Variants in SH3GL3 observed in about 807,000 individuals in gnomAD.
SH3GL3 encodes endophilin-A3.
SH3GL3 carries 33 observed loss-of-function variants against 47.7 expected under a neutral mutation model. That is an observed-to-expected ratio of 0.69 (90% CI 0.52 to 0.92). The LOEUF is 0.92. Ranked by LOEUF, SH3GL3 falls within the 40% of genes least tolerant of loss-of-function variation. The pLI is 0.00. For synonymous variants in SH3GL3, 155 were observed against 148.8 expected, an observed-to-expected ratio of 1.04 and a Z score of -0.30; for missense variants, 363 against 417.8, an observed-to-expected ratio of 0.87 and a Z score of 1.14.
At chr15:83,577,796 T>C (rs1223418822) in intron 6 of SH3GL3, among the ~76,000 whole-genome samples, 1 of 152,166 alleles carries the variant, frequency 6.6e-6, no homozygotes, top group Admixed American at 6.5e-5. Flanking sequence ...TGTGAGGCCA[T>C]AGGATTTATG....
intron 6 of SH3GL3, among the ~76,000 whole-genome samples, chr15:83,579,675 A>AG: frequency 6.6e-6 from 1 of 152,280 alleles, no homozygotes; most frequent in Non-Finnish European, 1.5e-5. Flanking sequence ...AAAGAGGCTA[A>AG]GGGGGTGCTG....
intron 1 of SH3GL3, among the ~76,000 whole-genome samples, chr15:83,495,601 G>A (rs184100419): frequency 3.9e-4 from 60 of 152,234 alleles, no homozygotes; most frequent in African/African-American, 1.4e-3. Flanking sequence ...GCTGGGCGTG[G>A]TGATGCACAC....
At chr15:83,533,698 C>T (rs1321941767) in intron 1 of SH3GL3, among the ~76,000 whole-genome samples, 1 of 152,144 alleles carries the variant, frequency 6.6e-6, no homozygotes, top group Non-Finnish European at 1.5e-5. Flanking sequence ...TCTCTTACCC[C>T]AGAGTTTCTT....
At chr15:83,509,069 A>C (rs2042637200) in intron 1 of SH3GL3, among the ~76,000 whole-genome samples, 1 of 152,252 alleles carries the variant, frequency 6.6e-6, no homozygotes, top group South Asian at 2.1e-4. Context: ...CGGGCATTTT[A>C]GCGTGCATTA....
At chr15:83,449,923 G>A (rs2039655010) in intron 1 of SH3GL3, among the ~76,000 whole-genome samples, 1 of 152,062 alleles carries the variant, frequency 6.6e-6, no homozygotes, top group African/African-American at 2.4e-5. Flanking sequence ...TATAATATGA[G>A]GGAGCTCAAT....
intron 8 of SH3GL3, among the ~76,000 whole-genome samples, chr15:83,609,923 C>T (rs967843470): frequency 3.3e-5 from 5 of 152,200 alleles, no homozygotes; most frequent in Admixed American, 2.0e-4. Flanking sequence ...GCCATCTCTA[C>T]TCTGGTGTCT....
intron 1 of SH3GL3, among the ~76,000 whole-genome samples, chr15:83,467,566 A>G (rs1567242956): frequency 6.6e-6 from 1 of 152,216 alleles, no homozygotes. Context: ...ATATAAAAAA[A>G]TCTTGCTGGA....
chr15:83,534,263 C>T (rs951184632), intron 1 of SH3GL3, among the ~76,000 whole-genome samples: 2 of 152,134 alleles, frequency 1.3e-5, no homozygotes, highest in Non-Finnish European at 2.9e-5. Context: ...TTACTGGCCT[C>T]CAAAACTGTG....
intron 1 of SH3GL3, among the ~76,000 whole-genome samples, chr15:83,479,438 A>G (rs900013533): frequency 6.6e-6 from 1 of 152,068 alleles, no homozygotes; most frequent in African/African-American, 2.4e-5. Flanking sequence ...AAGCCAATCA[A>G]GGTGCACTAT....
intron 8 of SH3GL3, among the ~76,000 whole-genome samples, chr15:83,611,202 T>C (rs2060655442): frequency 6.6e-6 from 1 of 151,842 alleles, no homozygotes; most frequent in South Asian, 2.1e-4. Context: ...GTGTTACTGA[T>C]ACAGTACTTA....
chr15:83,493,515 C>T (rs1271523391), intron 1 of SH3GL3, among the ~76,000 whole-genome samples: 1 of 152,168 alleles, frequency 6.6e-6, no homozygotes, highest in Non-Finnish European at 1.5e-5. Flanking sequence ...GCAAGTGAGT[C>T]CTTAGTGTCT....
At chr15:83,520,138 A>G (rs536678196) in intron 1 of SH3GL3, among the ~76,000 whole-genome samples, 1 of 152,318 alleles carries the variant, frequency 6.6e-6, no homozygotes, top group East Asian at 1.9e-4. Flanking sequence ...GAACTGTGTT[A>G]GAGGTGAGGA....
chr15:83,499,458 A>G (rs146280720), intron 1 of SH3GL3, among the ~76,000 whole-genome samples: 1,805 of 152,154 alleles, frequency 0.012, 35 homozygotes, highest in African/African-American at 0.041. Context: ...AATTTAACCA[A>G]TTAAATCCCT....
At chr15:83,532,365 A>T (rs1429548803) in intron 1 of SH3GL3, among the ~76,000 whole-genome samples, 1 of 152,198 alleles carries the variant, frequency 6.6e-6, no homozygotes, top group African/African-American at 2.4e-5. Flanking sequence ...GGCAAACATG[A>T]TAGAAGGCCA....
At chr15:83,603,710 A>C (rs2151833340) in intron 8 of SH3GL3, among the ~76,000 whole-genome samples, 1 of 152,296 alleles carries the variant, frequency 6.6e-6, no homozygotes, top group South Asian at 2.1e-4. Flanking sequence ...TGCTACACAC[A>C]CCAAGGTTTA....
At chr15:83,615,118 ACTC>A (rs2060780721) in intron 8 of SH3GL3, among the ~76,000 whole-genome samples, 1 of 151,060 alleles carries the variant, frequency 6.6e-6, no homozygotes, top group Admixed American at 6.6e-5. Flanking sequence ...AAAAAAAAAA[ACTC>A]CTAAGATTAA....
intron 1 of SH3GL3, among the ~76,000 whole-genome samples, chr15:83,505,015 A>G (rs1209510076): frequency 2.6e-5 from 4 of 152,126 alleles, no homozygotes; most frequent in Non-Finnish European, 5.9e-5. Flanking sequence ...ATTGGGTCTT[A>G]TCTCGATATT....
At chr15:83,565,383 A>G (rs2151754615) in intron 3 of SH3GL3, 177 bp downstream of exon 3, 1 of 585,694 alleles carries the variant, frequency 1.7e-6, no homozygotes, top group Middle Eastern at 3.2e-4. Flanking sequence ...CCTACTGATG[A>G]GAAAGAGAAC....
At chr15:83,589,824 T>C (rs1275387698) in intron 8 of SH3GL3, among the ~76,000 whole-genome samples, 1 of 152,244 alleles carries the variant, frequency 6.6e-6, no homozygotes, top group African/African-American at 2.4e-5. Flanking sequence ...TTTTCTATTA[T>C]ACCATTTCCC....
Sources: allele counts gnomAD v4.1 joint callset (sites outside exome capture counted in the v4.1 genomes callset), GRCh38; gene constraint gnomAD v4.1.1; transcripts MANE v1.5; gene names NCBI Gene and HGNC (gene_info 2026-07-23, HGNC 2026-07-21).